MSI2: variants seen among roughly 807,000 people sequenced by gnomAD.
MSI2 encodes RNA-binding protein Musashi homolog 2.
Under a neutral mutation model 45.6 loss-of-function variants are expected in MSI2, and 17 were observed. The observed-to-expected ratio is 0.37, with a 90% CI of 0.26 to 0.56. The LOEUF is 0.56. Among genes scored for constraint, MSI2 ranks in the 20% least tolerant of loss-of-function variants. The pLI, the probability that MSI2 is intolerant of heterozygous loss-of-function variation, is 0.77. For missense variants in MSI2, 293 were observed against 444.2 expected, an observed-to-expected ratio of 0.66 and a Z score of 3.06; for synonymous variants, 156 against 158.2, an observed-to-expected ratio of 0.99 and a Z score of 0.11.
At position 57,273,775 on chromosome 17, in the gene MSI2, G is replaced by C. The variant is rs554546859; in HGVS notation, c.312+11583G>C. On this transcript the variant is annotated intron_variant, in intron 5 of 13. Coordinates refer to ENST00000284073, the MANE Select transcript of MSI2 (RefSeq NM_138962.4). ...CCAGTGGATTAGAGTAGAAGGTGCC[G>C]TGGAAACAGTCACCTGGGTCTTTCC... Among the ~76,000 whole-genome samples the C allele has an allele frequency of 2.0e-5, 3 of 152,320 alleles. No individual in the cohort carries two copies. The East Asian group carries it at 5.8e-4, about 29-fold the overall frequency.
chr17:57,305,623 G>A (rs137873796), intron 5 of MSI2, among the ~76,000 whole-genome samples: 2 of 152,254 alleles, frequency 1.3e-5, no homozygotes, highest in East Asian at 3.9e-4. Context: ...GGTGAAGGAA[G>A]ATAAAGTGTG....
chr17:57,649,760 C>T lies in MSI2; in HGVS notation c.728-2339C>T, dbSNP rs1451322724. On this transcript the variant is annotated intron_variant, in intron 10 of 13. Coordinates refer to ENST00000284073, the MANE Select transcript of MSI2 (RefSeq NM_138962.4). ...GCCTAATGGAACAGGAGGGGGATGG[C>T]GAGGAGCAGCAGAAGGGGGCCAGGA... Among the ~76,000 whole-genome samples the T allele has an allele frequency of 3.9e-5, 6 of 152,120 alleles. No homozygotes were observed. The South Asian group carries it at 8.3e-4, about 21-fold the overall frequency.
At chr17:57,426,765 A>G (rs777337389) in intron 6 of MSI2, among the ~76,000 whole-genome samples, 10 of 152,186 alleles carry the variant, frequency 6.6e-5, no homozygotes, top group Admixed American at 1.3e-4. Flanking sequence ...TACCTTTTAC[A>G]TCTGCATTTG....
intron 7 of MSI2, among the ~76,000 whole-genome samples, chr17:57,554,976 T>C (rs1156505066): frequency 6.6e-6 from 1 of 152,216 alleles, no homozygotes; most frequent in Non-Finnish European, 1.5e-5. Flanking sequence ...GGGACTCTGC[T>C]CTCCTACTCC....
chr17:57,606,576 C>A (rs1906602047), intron 8 of MSI2, among the ~76,000 whole-genome samples: 1 of 152,134 alleles, frequency 6.6e-6, no homozygotes, highest in Admixed American at 6.5e-5. Context: ...CAGCTCCTCT[C>A]TACCCATTGC....
the MSI2 span, among the ~76,000 whole-genome samples, chr17:57,690,972 T>A: frequency 6.6e-6 from 1 of 152,188 alleles, no homozygotes; most frequent in South Asian, 2.1e-4. Context: ...GAGTTAACAT[T>A]TATGTATGGT....
intron 8 of MSI2, among the ~76,000 whole-genome samples, chr17:57,607,168 A>G (rs1192320244): frequency 6.6e-6 from 1 of 152,232 alleles, no homozygotes; most frequent in African/African-American, 2.4e-5. Context: ...TGTATATGTT[A>G]TGTAATATAT....
At chr17:57,543,723 A>G (rs1377893157) in intron 7 of MSI2, among the ~76,000 whole-genome samples, 1 of 152,096 alleles carries the variant, frequency 6.6e-6, no homozygotes, top group Non-Finnish European at 1.5e-5. Flanking sequence ...TTATGGTTTA[A>G]TTTGCTCCCT....
intron 5 of MSI2, among the ~76,000 whole-genome samples, chr17:57,396,623 C>A (rs1454354905): frequency 6.6e-6 from 1 of 152,164 alleles, no homozygotes; most frequent in Non-Finnish European, 1.5e-5. Flanking sequence ...CCAGTTCTTA[C>A]GTGTAAACAG....
At chr17:57,305,467 A>G (rs1466761077) in intron 5 of MSI2, among the ~76,000 whole-genome samples, 1 of 152,224 alleles carries the variant, frequency 6.6e-6, no homozygotes, top group Admixed American at 6.5e-5. Flanking sequence ...GGGAAAAAGA[A>G]TCTGCTCTGC....
chr17:57,508,295 G>A (rs764425952), intron 6 of MSI2, among the ~76,000 whole-genome samples: 1 of 152,122 alleles, frequency 6.6e-6, no homozygotes, highest in African/African-American at 2.4e-5. Context: ...TCTGCTGCCC[G>A]TATCCAGCGC....
At chr17:57,543,704 G>A (rs570840752) in intron 7 of MSI2, among the ~76,000 whole-genome samples, 120 of 152,116 alleles carry the variant, frequency 7.9e-4, no homozygotes, top group African/African-American at 2.8e-3. Context: ...AGGAGACGTC[G>A]TTTGAAAATT....
intron 7 of MSI2, among the ~76,000 whole-genome samples, chr17:57,591,695 C>G (rs1466748283): frequency 2.7e-5 from 4 of 148,350 alleles, no homozygotes; most frequent in Non-Finnish European, 5.9e-5. Flanking sequence ...CTACTTTACT[C>G]TAGCCTGAGT....
At chr17:57,494,124 T>C (rs1397836420) in intron 6 of MSI2, among the ~76,000 whole-genome samples, 1 of 152,184 alleles carries the variant, frequency 6.6e-6, no homozygotes, top group Non-Finnish European at 1.5e-5. Flanking sequence ...ATACCCCTTT[T>C]CACAGGTAAG....
intron 6 of MSI2, among the ~76,000 whole-genome samples, chr17:57,498,557 A>T (rs1019363372): frequency 5.9e-5 from 9 of 152,216 alleles, no homozygotes; most frequent in African/African-American, 1.4e-4. Flanking sequence ...GCCAGGCCTC[A>T]TGTCCACATT....
At chr17:57,602,578 C>T (rs1306848900) in intron 8 of MSI2, among the ~76,000 whole-genome samples, 1 of 152,158 alleles carries the variant, frequency 6.6e-6, no homozygotes, top group Non-Finnish European at 1.5e-5. Flanking sequence ...TGGTCTAGAA[C>T]TCCTGGTCTC....
intron 5 of MSI2, among the ~76,000 whole-genome samples, chr17:57,298,915 A>C (rs1208587015): frequency 6.6e-6 from 1 of 152,310 alleles, no homozygotes; most frequent in Non-Finnish European, 1.5e-5. Context: ...CCAATAAAAG[A>C]CTTTTGTATA....
chr17:57,701,562 A>G, the MSI2 span, among the ~76,000 whole-genome samples: 1 of 147,036 alleles, frequency 6.8e-6, no homozygotes, highest in African/African-American at 2.7e-5. Flanking sequence ...GTGAGAAATA[A>G]ATGTCTGTTG....
chr17:57,275,762 A>G (rs12947342), intron 5 of MSI2, among the ~76,000 whole-genome samples: 4,194 of 152,336 alleles, frequency 0.028, 74 homozygotes, highest in Non-Finnish European at 0.035. Flanking sequence ...AGGGGTGGCC[A>G]GGAGGAGGGA....
Sources: gnomAD v4.1 joint callset for allele counts (sites outside exome capture counted in the v4.1 genomes callset) on GRCh38, gnomAD v4.1.1 for gene constraint, MANE v1.5 for transcripts, NCBI Gene and HGNC (gene_info 2026-07-23, HGNC 2026-07-21) for gene names.